B3GAT2: variants seen among roughly 807,000 people sequenced by gnomAD.
B3GAT2 encodes beta-1,3-glucuronyltransferase 2.
In B3GAT2, 26 loss-of-function variants were observed where a neutral mutation model predicts 27.8. That is an observed-to-expected ratio of 0.93 (90% CI 0.68 to 1.30). The LOEUF is 1.30. B3GAT2 is among the 50% of genes most tolerant of loss of function. The probability of loss-of-function intolerance (pLI) is 0.00; values close to 1 mark genes in which losing one functional copy is unlikely to be tolerated. For missense variants in B3GAT2, 458 were observed against 459.0 expected (o/e 1.00, Z 0.02); for synonymous variants, 218 against 195.1 (o/e 1.12, Z -0.98).
chr6:70,867,586 G>C (rs1238259053), intron 2 of B3GAT2, among the ~76,000 whole-genome samples: 1 of 152,090 alleles, frequency 6.6e-6, no homozygotes, highest in Non-Finnish European at 1.5e-5. Flanking sequence ...AAAAGTCCTT[G>C]AAAGACAAGC....
chr6:70,858,145 A>T lies in B3GAT2; in HGVS notation c.*3518T>A. On this transcript the variant is annotated 3_prime_UTR_variant, in exon 4 of 4. Transcript: ENST00000230053. ...TTCCTCAGAACGTTGTTGGCCCCCA[A>T]GGAGGAATGGTGGGACAAATGGGTG... The T allele has an allele frequency of 6.2e-7, 1 of 1,614,058 alleles. No homozygotes were observed. The highest frequency in any genetic ancestry group is 1.1e-5 in the South Asian group (1 of 91,076).
At chr6:70,926,493 A>G (rs1420445083) in intron 1 of B3GAT2, among the ~76,000 whole-genome samples, 1 of 152,238 alleles carries the variant, frequency 6.6e-6, no homozygotes, top group Non-Finnish European at 1.5e-5. Flanking sequence ...GACCTGATGG[A>G]GCTGAAAACC....
At chr6:70,868,935 C>G (rs1413818462) in intron 2 of B3GAT2, among the ~76,000 whole-genome samples, 1 of 152,112 alleles carries the variant, frequency 6.6e-6, no homozygotes, top group Non-Finnish European at 1.5e-5. Flanking sequence ...TGCCCACCAC[C>G]CCTCCTTATT....
chr6:70,891,699 A>G (rs906477319), intron 2 of B3GAT2, among the ~76,000 whole-genome samples: 1 of 151,570 alleles, frequency 6.6e-6, no homozygotes, highest in African/African-American at 2.4e-5. Flanking sequence ...TGGTGCTCTC[A>G]CTTGACTATC....
chr6:70,921,014 C>A (rs987471213), intron 1 of B3GAT2, among the ~76,000 whole-genome samples: 1 of 152,122 alleles, frequency 6.6e-6, no homozygotes, highest in East Asian at 1.9e-4. Flanking sequence ...CATCGGAATC[C>A]CTTTGTAGGT....
intron 1 of B3GAT2, among the ~76,000 whole-genome samples, chr6:70,897,433 G>GTTCTACTTAAAATAT (rs1238359617): frequency 2.0e-5 from 3 of 151,696 alleles, no homozygotes; most frequent in Admixed American, 6.6e-5. Flanking sequence ...TGCTTTTGAT[G>GTTCTACTTAAAATAT]TTCTACTTAA....
At chr6:70,862,977 CAAAG>C (rs893972422) in intron 2 of B3GAT2, among the ~76,000 whole-genome samples, 5 of 151,996 alleles carry the variant, frequency 3.3e-5, no homozygotes, top group African/African-American at 1.2e-4. Flanking sequence ...GGCCCTGTCT[CAAAG>C]AAAAAAGAAT....
At chr6:70,907,785 T>C (rs925076873) in intron 1 of B3GAT2, among the ~76,000 whole-genome samples, 4 of 152,028 alleles carry the variant, frequency 2.6e-5, no homozygotes, top group Non-Finnish European at 5.9e-5. Context: ...CCCAGGAGAG[T>C]CACCAACCCC....
At chr6:70,925,571 A>G (rs1451975063) in intron 1 of B3GAT2, among the ~76,000 whole-genome samples, 1 of 152,208 alleles carries the variant, frequency 6.6e-6, no homozygotes, top group Non-Finnish European at 1.5e-5. Context: ...CCGAGATCAA[A>G]CTGCAAGACG....
chr6:70,888,016 G>A (rs574600094), intron 2 of B3GAT2, among the ~76,000 whole-genome samples: 121 of 152,352 alleles, frequency 7.9e-4, no homozygotes, highest in African/African-American at 2.8e-3. Context: ...GAAGAGCTAT[G>A]AGCAAGGGAC....
At chr6:70,944,458 G>A (rs1399999286) in intron 1 of B3GAT2, among the ~76,000 whole-genome samples, 1 of 152,172 alleles carries the variant, frequency 6.6e-6, no homozygotes, top group Non-Finnish European at 1.5e-5. Context: ...CTCGCTGATT[G>A]CTAGCACAGG....
chr6:70,899,521 G>A (rs1258337999), intron 1 of B3GAT2, among the ~76,000 whole-genome samples: 4 of 152,316 alleles, frequency 2.6e-5, no homozygotes, highest in East Asian at 3.9e-4. Flanking sequence ...TGCAGATGAC[G>A]TGGCGGGATG....
Position 70,859,322 on chromosome 6 carries a change from C to A in B3GAT2, c.*2341G>T, listed in dbSNP as rs778705927. The A allele has an allele frequency of 7.1e-6, 11 of 1,545,242 alleles. 1 individual carries two copies. In the South Asian group the frequency reaches 1.3e-4, roughly 19 times the overall value. On this transcript the variant is annotated 3_prime_UTR_variant, in exon 4 of 4. Coordinates refer to ENST00000230053, the MANE Select transcript of B3GAT2 (RefSeq NM_080742.3). The stretch of plus-strand genomic sequence containing the variant: ...AGGAAGGAGTTAATACTGGCTCTTA[C>A]TTCCAGATAATGCAGAAGGGTGATG...
At chr6:70,895,234 T>C (rs2150032136) in intron 1 of B3GAT2, among the ~76,000 whole-genome samples, 2 of 152,286 alleles carry the variant, frequency 1.3e-5, no homozygotes, top group Middle Eastern at 6.8e-3. Flanking sequence ...GTTGTTGAGG[T>C]AATTATAATT....
At chr6:70,895,712 A>G (rs1772372087) in intron 1 of B3GAT2, among the ~76,000 whole-genome samples, 1 of 152,038 alleles carries the variant, frequency 6.6e-6, no homozygotes, top group African/African-American at 2.4e-5. Context: ...ATTCCAGGTA[A>G]TGAGGTTCTC....
Position 70,859,706 on chromosome 6 carries a change from C to G in B3GAT2, c.*1957G>C. ...ATGTAATCTTATGCTTTATTGCATA[C>G]AATGAAAATAAATTTTAGATGTTTA... On this transcript the variant is annotated 3_prime_UTR_variant, in exon 4 of 4. Transcript: ENST00000230053. 1 of 204,154 alleles carries G rather than the reference C, an allele frequency of 4.9e-6. No individual in the cohort carries two copies. The highest frequency in any genetic ancestry group is 9.7e-6 in the Non-Finnish European group (1 of 103,194). 12.6% of individuals were successfully genotyped at this position (204,154 alleles called of 1,614,324 possible). A position where few individuals can be genotyped will look rare whatever the true frequency, so the allele number is the denominator to read the frequency against.
At chr6:70,905,447 A>G (rs1772585169) in intron 1 of B3GAT2, among the ~76,000 whole-genome samples, 2 of 152,252 alleles carry the variant, frequency 1.3e-5, no homozygotes, top group South Asian at 4.1e-4. Flanking sequence ...ATCAAAAGGA[A>G]AACTTAATAC....
chr6:70,956,780 G>C lies in B3GAT2; in HGVS notation c.-351C>G. On this transcript the variant is annotated 5_prime_UTR_variant, in exon 1 of 4. Coordinates refer to ENST00000230053, the MANE Select transcript of B3GAT2 (RefSeq NM_080742.3). ...TGATCCCCACCGCGCTCTTTCTGAA[G>C]AGTGGAAGCCGAGAAGCGGCACCCG... 4 of 1,139,424 alleles carry C rather than the reference G, an allele frequency of 3.5e-6. No homozygotes were observed. Among genetic ancestry groups the C allele is most frequent in the Non-Finnish European group, 4.3e-6 (4 of 927,264 alleles). 70.6% of individuals were successfully genotyped at this position (1,139,424 alleles called of 1,614,324 possible). A position where few individuals can be genotyped will look rare whatever the true frequency, so the allele number is the denominator to read the frequency against.
chr6:70,944,391 C>T (rs1026411889), intron 1 of B3GAT2, among the ~76,000 whole-genome samples: 20 of 152,074 alleles, frequency 1.3e-4, no homozygotes, highest in African/African-American at 4.6e-4. Context: ...ACTTTTCTGA[C>T]AGGCTTAAAA....
Sources: gnomAD v4.1 joint callset for allele counts (sites outside exome capture counted in the v4.1 genomes callset) on GRCh38, gnomAD v4.1.1 for gene constraint, MANE v1.5 for transcripts, NCBI Gene and HGNC (gene_info 2026-07-23, HGNC 2026-07-21) for gene names.